Variants in SELENOF observed in about 807,000 individuals in gnomAD.
The protein encoded by SELENOF is selenoprotein F.
SELENOF carries 16 observed loss-of-function variants against 20.5 expected under a neutral mutation model. That is an observed-to-expected ratio of 0.78 (90% CI 0.53 to 1.19). SELENOF has a LOEUF of 1.19. SELENOF is among the 50% of genes most tolerant of loss of function. The pLI is 0.00. For synonymous variants in SELENOF, 78 were observed against 74.5 expected, an observed-to-expected ratio of 1.05 and a Z score of -0.24; for missense variants, 215 against 194.2, an observed-to-expected ratio of 1.11 and a Z score of -0.64.
chr1:86,893,229 G>C (rs1659433401), intron 2 of SELENOF, among the ~76,000 whole-genome samples: 1 of 152,116 alleles, frequency 6.6e-6, no homozygotes, highest in Admixed American at 6.5e-5. Flanking sequence ...ACTAATGTAA[G>C]GTAATGTAAT....
At chr1:86,894,935 A>C (rs1659481821) in intron 2 of SELENOF, among the ~76,000 whole-genome samples, 1 of 152,178 alleles carries the variant, frequency 6.6e-6, no homozygotes, top group Non-Finnish European at 1.5e-5. Context: ...TTATTAGCAC[A>C]ACCTTTTTTC....
At chr1:86,897,285 C>T (rs1432339013) in intron 2 of SELENOF, among the ~76,000 whole-genome samples, 1 of 152,078 alleles carries the variant, frequency 6.6e-6, no homozygotes, top group Non-Finnish European at 1.5e-5. Flanking sequence ...GAAACTCCGT[C>T]TTGGTGCAGG....
At position 86,868,181 on chromosome 1, in the gene SELENOF, A is replaced by C. The variant is rs1046942745; in HGVS notation, c.317-79T>G. The C allele has an allele frequency of 1.0e-4, 69 of 683,026 alleles. No individual in the cohort carries two copies. In the South Asian group the frequency reaches 1.1e-3, roughly 11 times the overall value. The allele number at this position is 683,026 out of a possible 1,614,324, so 42.3% of individuals were successfully genotyped here. A position where few individuals can be genotyped will look rare whatever the true frequency, so the allele number is the denominator to read the frequency against. Reference sequence around the variant, plus strand: ...TAAAAAGATTAATATAAAAGTGGAAATAAACAACAAATCAAACATTATATC... The same window carrying C: ...TAAAAAGATTAATATAAAAGTGGAACTAAACAACAAATCAAACATTATATC... On this transcript the variant is annotated intron_variant, in intron 3 of 4. Transcript: ENST00000331835.
chr1:86,863,542 G>C lies in SELENOF; in HGVS notation c.430C>G (p.Leu144Val). Residue 144 changes from leucine (L) to valine (V), a missense_variant, in exon 5 of 5, where the codon CTG becomes GTG. Transcript: ENST00000331835. Reference sequence around the variant, plus strand: ...TCTGTGTTCCATTTGAGAATGCTCAGTTCTTCAGCAATGTTCCCATTGTCG... The same window carrying C: ...TCTGTGTTCCATTTGAGAATGCTCACTTCTTCAGCAATGTTCCCATTGTCG... ...LDDNGNIAEE[L>V]SILKWNTDSV... is the part of the protein sequence containing the mutation. 2.5e-6 allele frequency: 4 copies of C among 1,613,422 alleles called. No individual in the cohort carries two copies. The highest frequency in any genetic ancestry group is 1.1e-5 in the South Asian group (1 of 91,070).
At chr1:86,893,054 A>G (rs1047554466) in intron 2 of SELENOF, among the ~76,000 whole-genome samples, 4 of 152,198 alleles carry the variant, frequency 2.6e-5, no homozygotes, top group Non-Finnish European at 5.9e-5. Flanking sequence ...GACCTGAGAT[A>G]AAACCAGGTT....
chr1:86,876,667 G>C (rs1211873802), intron 3 of SELENOF, among the ~76,000 whole-genome samples: 4 of 152,102 alleles, frequency 2.6e-5, no homozygotes, highest in Non-Finnish European at 5.9e-5. Flanking sequence ...TGAGGGAGTG[G>C]GACACCATTC....
At chr1:86,891,838 T>C (rs939053429) in intron 2 of SELENOF, among the ~76,000 whole-genome samples, 4 of 152,130 alleles carry the variant, frequency 2.6e-5, no homozygotes, top group African/African-American at 9.7e-5. Context: ...TGAGGTTCTA[T>C]AAATTCATTT....
At chr1:86,909,799 T>C (rs985798546) in intron 1 of SELENOF, among the ~76,000 whole-genome samples, 4 of 151,568 alleles carry the variant, frequency 2.6e-5, no homozygotes, top group African/African-American at 9.7e-5. Flanking sequence ...GGGTCAGGAG[T>C]TCGAGACCAG....
intron 1 of SELENOF, among the ~76,000 whole-genome samples, chr1:86,904,360 G>T (rs1570406085): frequency 6.6e-6 from 1 of 152,162 alleles, no homozygotes. Context: ...AAAACAGATT[G>T]CTATGGTTAC....
At chr1:86,876,596 T>C (rs2102081764) in intron 3 of SELENOF, among the ~76,000 whole-genome samples, 1 of 152,336 alleles carries the variant, frequency 6.6e-6, no homozygotes, top group African/African-American at 2.4e-5. Flanking sequence ...ATACAATTTC[T>C]AACAAAACTT....
intron 2 of SELENOF, among the ~76,000 whole-genome samples, chr1:86,902,796 G>A (rs927557749): frequency 2.6e-5 from 4 of 152,172 alleles, no homozygotes; most frequent in Non-Finnish European, 5.9e-5. Flanking sequence ...TTAAAGGTGA[G>A]GTTAGGTGTC....
At chr1:86,872,579 C>T (rs1393595104) in intron 3 of SELENOF, among the ~76,000 whole-genome samples, 1 of 149,520 alleles carries the variant, frequency 6.7e-6, no homozygotes, top group Admixed American at 6.7e-5. Flanking sequence ...CGAGGTTTCT[C>T]CATGTTGGTC....
Position 86,887,200 on chromosome 1 carries a change from A to C in SELENOF, c.253-6475T>G, listed in dbSNP as rs1012137132. 1.9e-6 allele frequency: 3 copies of C among 1,541,412 alleles called. No individual in the cohort carries two copies. In the African/African-American group the frequency reaches 4.1e-5, roughly 21 times the overall value. On this transcript the variant is annotated intron_variant, in intron 2 of 4. Coordinates refer to ENST00000331835, the MANE Select transcript of SELENOF (RefSeq NM_004261.5). ...GCTTAGAAACAATGGATGAATACTG[A>C]GGATTAGGGGAAAAAAAATCAGCGT...
chr1:86,899,585 A>T (rs1211301276), intron 2 of SELENOF, among the ~76,000 whole-genome samples: 1 of 137,664 alleles, frequency 7.3e-6, no homozygotes. Flanking sequence ...CTGGCCGGGC[A>T]GGGGGCTGAC....
At chr1:86,894,170 GTTT>G (rs36023452) in intron 2 of SELENOF, among the ~76,000 whole-genome samples, 22 of 132,624 alleles carry the variant, frequency 1.7e-4, no homozygotes, top group African/African-American at 5.8e-4. Context: ...CAACCTGGAG[GTTT>G]TTTTTTTTTT....
intron 3 of SELENOF, among the ~76,000 whole-genome samples, chr1:86,870,928 A>ATT (rs397861089): frequency 8.1e-5 from 12 of 148,188 alleles, no homozygotes; most frequent in African/African-American, 2.9e-4. Context: ...CAGTAAAAAG[A>ATT]TTTTTTTTTT....
At chr1:86,909,867 TG>T (rs1308312385) in intron 1 of SELENOF, among the ~76,000 whole-genome samples, 1 of 152,024 alleles carries the variant, frequency 6.6e-6, no homozygotes. Flanking sequence ...TAGCTGGGCG[TG>T]GGGGCGCGTG....
chr1:86,914,401 AG>A (rs1660085674), upstream of SELENOF: 2 of 476,022 alleles, frequency 4.2e-6, no homozygotes, highest in Admixed American at 3.3e-5. Flanking sequence ...CGCCTTCGCC[AG>A]TTTTAGCCCC....
intron 2 of SELENOF, among the ~76,000 whole-genome samples, chr1:86,893,946 T>G (rs1487123356): frequency 6.6e-6 from 1 of 152,226 alleles, no homozygotes; most frequent in Non-Finnish European, 1.5e-5. Flanking sequence ...TCTAGTATAA[T>G]AAGATTAATA....
Sources: gnomAD v4.1 joint callset for allele counts (sites outside exome capture counted in the v4.1 genomes callset) on GRCh38, gnomAD v4.1.1 for gene constraint, MANE v1.5 for transcripts, NCBI Gene and HGNC (gene_info 2026-07-23, HGNC 2026-07-21) for gene names.